Variants in DNMT1 observed in about 807,000 individuals in gnomAD.
The protein encoded by DNMT1 is DNA methyltransferase 1, also known as DNA (cytosine-5)-methyltransferase 1.
In DNMT1, 24 loss-of-function variants were observed where a neutral mutation model predicts 205.3. That is an observed-to-expected ratio of 0.12 (90% CI 0.08 to 0.16). The LOEUF (loss-of-function observed/expected upper bound fraction) is 0.16, where lower values mean the gene tolerates loss of function less well. Ranked by LOEUF, DNMT1 falls within the 10% of genes least tolerant of loss-of-function variation. DNMT1 has a pLI of 1.00. For missense variants in DNMT1, 1,293 were observed against 2,177.7 expected (o/e 0.59, Z 8.09); for synonymous variants, 817 against 839.8 (o/e 0.97, Z 0.47).
At position 10,137,580 on chromosome 19, in the gene DNMT1, C is replaced by A; in HGVS notation, c.4293+252G>T. The A allele has an allele frequency of 1.5e-6, 1 of 649,664 alleles. No individual in the cohort carries two copies. The highest frequency in any genetic ancestry group is 2.7e-6 in the Non-Finnish European group (1 of 377,106). The allele number at this position is 649,664 out of a possible 1,614,324, so 40.2% of individuals were successfully genotyped here. A position where few individuals can be genotyped will look rare whatever the true frequency, so the allele number is the denominator to read the frequency against. On this transcript the variant is annotated intron_variant, in intron 36 of 40. Coordinates refer to ENST00000359526, the MANE Select transcript of DNMT1 (RefSeq NM_001130823.3). The surrounding 1 kb of genome is among the most constrained non-coding windows in gnomAD (Gnocchi z 6.4). ...TCCTGGGAAAACATGCGGGGAGAGG[C>A]AGCAAGGGGGAAGGCAGTGGTGGGT...
At chr19:10,145,510 G>T (rs1568227457) in intron 28 of DNMT1, among the ~76,000 whole-genome samples, 1 of 152,170 alleles carries the variant, frequency 6.6e-6, no homozygotes, top group Non-Finnish European at 1.5e-5. Context: ...CTGATTCTTA[G>T]AAAAAACACA....
intron 2 of DNMT1, among the ~76,000 whole-genome samples, chr19:10,181,834 A>G (rs2039052415): frequency 6.6e-6 from 1 of 152,048 alleles, no homozygotes; most frequent in Admixed American, 6.6e-5. Flanking sequence ...GTCTCAAAAA[A>G]CAAAAACAAC....
Position 10,168,200 on chromosome 19 carries a change from C to T in DNMT1, c.803+130G>A, listed in dbSNP as rs1167156560. Reference sequence around the variant, plus strand: ...TCAGGGTGGTCTCACCTTTCACAAGCAGAACTTGCCCACATAAGAGACATA... The same window carrying T: ...TCAGGGTGGTCTCACCTTTCACAAGTAGAACTTGCCCACATAAGAGACATA... On this transcript the variant is annotated intron_variant, in intron 10 of 40. Coordinates refer to ENST00000359526, the MANE Select transcript of DNMT1 (RefSeq NM_001130823.3). 5.0e-6 allele frequency: 5 copies of T among 1,008,240 alleles called. No homozygotes were observed. The East Asian group carries it at 9.9e-5, about 20-fold the overall frequency. The allele number at this position is 1,008,240 out of a possible 1,614,324, so 62.5% of individuals were successfully genotyped here. A position where few individuals can be genotyped will look rare whatever the true frequency, so the allele number is the denominator to read the frequency against.
chr19:10,142,056 C>T lies in DNMT1; in HGVS notation c.3281G>A (p.Gly1094Asp). 6.2e-7 allele frequency: 1 copy of T among 1,612,052 alleles called. No individual in the cohort carries two copies. The highest frequency in any genetic ancestry group is 8.5e-7 in the Non-Finnish European group (1 of 1,178,450). ...GAGGAAGTAGAAGCGGTTGGGGCCG[C>T]CCATGGAGTACACCTGGACGCACTC... is the stretch of plus-strand genomic sequence containing the variant. ...LPECVQVYSM[G>D]GPNRFYFLEA... The change falls in exon 30 of 41, where the codon GGC becomes GAC. Residue 1094 changes from glycine to aspartate, a missense_variant. Physicochemically the swap from Gly to Asp is moderately conservative, Grantham distance 94. Transcript: ENST00000359526.
In DNMT1 at chr19:10,163,407, A is replaced by G. The variant is rs747175950; in HGVS notation, c.892-47T>C. 3 of 1,598,994 alleles carry G rather than the reference A, an allele frequency of 1.9e-6. No individual in the cohort carries two copies. In the South Asian group the frequency reaches 3.3e-5, roughly 18 times the overall value. ...GGTAGAGAGATAAAGAAGGGAAAAA[A>G]TTAGTTTCTGAGCCAGAGTGAGATA... is the stretch of plus-strand genomic sequence containing the variant. On this transcript the variant is annotated intron_variant, in intron 11 of 40. Coordinates refer to ENST00000359526, the MANE Select transcript of DNMT1 (RefSeq NM_001130823.3).
chr19:10,187,824 G>A lies in DNMT1; in HGVS notation c.81-5747C>T, dbSNP rs994818785. 1.9e-4 allele frequency among the ~76,000 whole-genome samples: 28 copies of A among 151,240 alleles called. No individual in the cohort carries two copies. The South Asian group carries it at 5.2e-3, about 28-fold the overall frequency. On this transcript the variant is annotated intron_variant, in intron 1 of 40. Transcript: ENST00000359526. ...TCAAGACCAGCCTGAGCAACACAGC[G>A]AGACCCTGTCTCTACAAAAAATAGT...
chr19:10,166,920 C>T (rs1234606788), intron 10 of DNMT1, among the ~76,000 whole-genome samples: 2 of 152,180 alleles, frequency 1.3e-5, no homozygotes, highest in African/African-American at 2.4e-5. Context: ...TGGTTTAATA[C>T]AAAAAGCAGA....
rs2038210923 is a variant in DNMT1 at position 10,146,667 on chromosome 19, T to C, written c.2721-143A>G. On this transcript the variant is annotated intron_variant, in intron 27 of 40. Transcript: ENST00000359526. The surrounding 1 kb of genome is among the most constrained non-coding windows in gnomAD (Gnocchi z 4.4). ...TGCTAGAAGGAAGAGGTGGCTTTCT[T>C]GTGCTTTGTGTTGACATTTTGAAGG... 1.9e-6 allele frequency: 2 copies of C among 1,077,848 alleles called. No homozygotes were observed. The highest frequency in any genetic ancestry group is 2.7e-6 in the Non-Finnish European group (2 of 753,242). 66.8% of individuals were successfully genotyped at this position (1,077,848 alleles called of 1,614,324 possible). A position where few individuals can be genotyped will look rare whatever the true frequency, so the allele number is the denominator to read the frequency against.
At chr19:10,179,496 A>G (rs1336354413) in intron 5 of DNMT1, among the ~76,000 whole-genome samples, 1 of 152,106 alleles carries the variant, frequency 6.6e-6, no homozygotes, top group Non-Finnish European at 1.5e-5. Flanking sequence ...GGCCACCCAA[A>G]GTGCAGGGAT....
intron 14 of DNMT1, 100 bp from the exon 15 acceptor site, chr19:10,160,163 G>A (rs527933740): frequency 1.9e-6 from 3 of 1,590,432 alleles, no homozygotes; most frequent in Admixed American, 1.7e-5. Context: ...CTGTGGCACA[G>A]GGAGGCACCG....
intron 40 of DNMT1, 88 bp downstream of exon 40, chr19:10,134,129 A>G (rs2089429841): frequency 1.4e-5 from 21 of 1,449,666 alleles, no homozygotes; most frequent in South Asian, 6.9e-5. Context: ...TGAGTCCCAG[A>G]GCCCAAAACG....
Position 10,182,088 on chromosome 19 carries a change from G to A in DNMT1, c.81-11C>T, listed in dbSNP as rs746306178. 1.5e-5 allele frequency: 24 copies of A among 1,612,614 alleles called. No homozygotes were observed. The highest frequency in any genetic ancestry group is 2.0e-5 in the Non-Finnish European group (24 of 1,178,882). On this transcript the variant is annotated splice_polypyrimidine_tract_variant and intron_variant, in intron 1 of 40. Transcript: ENST00000359526. ...TCCAAATCTTTGAGCCTGGGAGGAAGAAATAGGGGAGAAAATACAAACACT... is the reference window on the plus strand; with the variant it reads ...TCCAAATCTTTGAGCCTGGGAGGAAAAAATAGGGGAGAAAATACAAACACT...
Position 10,137,675 on chromosome 19 carries a change from G to T in DNMT1, c.4293+157C>A. ...GAGCTCTGACACTTCCCATGACCAT[G>T]CAAGAGAGACCAGGGGTCACACAAA... On this transcript the variant is annotated intron_variant, in intron 36 of 40. Coordinates refer to ENST00000359526, the MANE Select transcript of DNMT1 (RefSeq NM_001130823.3). The surrounding 1 kb of genome is among the most constrained non-coding windows in gnomAD (Gnocchi z 6.4). 1.9e-6 allele frequency: 2 copies of T among 1,072,942 alleles called. No homozygotes were observed. Among genetic ancestry groups the T allele is most frequent in the Non-Finnish European group, 2.7e-6 (2 of 729,160 alleles). The allele number at this position is 1,072,942 out of a possible 1,614,324, so 66.5% of individuals were successfully genotyped here. A position where few individuals can be genotyped will look rare whatever the true frequency, so the allele number is the denominator to read the frequency against.
intron 1 of DNMT1, among the ~76,000 whole-genome samples, chr19:10,192,151 T>G (rs2039315932): frequency 6.6e-6 from 1 of 151,990 alleles, no homozygotes; most frequent in Admixed American, 6.6e-5. Context: ...AGGATTAACT[T>G]GGGCATGGTG....
intron 40 of DNMT1, among the ~76,000 whole-genome samples, 173 bp downstream of exon 40, chr19:10,134,044 C>G (rs1225391122): frequency 2.0e-5 from 3 of 152,222 alleles, no homozygotes; most frequent in Non-Finnish European, 4.4e-5. Flanking sequence ...AAGCACTTGA[C>G]ACGTGCAACT....
chr19:10,146,153 G>T lies in DNMT1; in HGVS notation c.2894+198C>A, dbSNP rs528470503. Reference sequence around the variant, plus strand: ...GCCAAACCAGCGAGTTGACTTTTACGCTCAGCTTTGCTCTGCAATAGCATC... The same window carrying T: ...GCCAAACCAGCGAGTTGACTTTTACTCTCAGCTTTGCTCTGCAATAGCATC... On this transcript the variant is annotated intron_variant, in intron 28 of 40. Coordinates refer to ENST00000359526, the MANE Select transcript of DNMT1 (RefSeq NM_001130823.3). This position sits in a 1 kb window ranked among gnomAD's most constrained non-coding sequence, Gnocchi z 4.4. 8.9e-4 allele frequency among the ~76,000 whole-genome samples: 135 copies of T among 152,172 alleles called. No individual in the cohort carries two copies. The highest frequency in any genetic ancestry group is 1.7e-3 in the Non-Finnish European group (113 of 67,966).
In DNMT1 at chr19:10,149,501, G is replaced by T. The variant is rs2038289096; in HGVS notation, c.2538C>A (p.Ser846Arg). The T allele has an allele frequency of 2.5e-6, 4 of 1,614,076 alleles. No homozygotes were observed. Among genetic ancestry groups the T allele is most frequent in the Non-Finnish European group, 3.4e-6 (4 of 1,180,008 alleles). Residue 846 changes from serine to arginine, a missense_variant, in exon 26 of 41, where the codon AGC becomes AGA. Ser to Arg is a moderately radical substitution (Grantham distance 110). This residue lies in a region of DNMT1 where 197 missense variants were observed against 353.6 expected (regional missense o/e 0.56). Transcript: ENST00000359526. Reference protein sequence around the residue: ...CEDMQLSYIHSKVKVIYKAPS... With the variant: ...CEDMQLSYIHRKVKVIYKAPS... ...GGGCTTTGTAGATGACTTTCACTTT[G>T]CTGTGGATATATGAAAGCTGCATGT...
At chr19:10,170,901 T>C (rs964381326) in intron 9 of DNMT1, among the ~76,000 whole-genome samples, 2 of 152,064 alleles carry the variant, frequency 1.3e-5, no homozygotes, top group African/African-American at 4.8e-5. Flanking sequence ...TCAAGTGATC[T>C]TCCTGCCTCA....
chr19:10,160,261 C>A, intron 14 of DNMT1, 123 bp downstream of exon 14: 4 of 1,541,496 alleles, frequency 2.6e-6, no homozygotes, highest in South Asian at 2.3e-5. Flanking sequence ...CTATGTTCAC[C>A]AACCCGATCC....
Sources: allele counts gnomAD v4.1 joint callset (sites outside exome capture counted in the v4.1 genomes callset), GRCh38; gene constraint gnomAD v4.1.1; regional missense constraint gnomAD v4.1.1; non-coding constraint Gnocchi (gnomAD v3.1); transcripts MANE v1.5; gene names NCBI Gene and HGNC (gene_info 2026-07-23, HGNC 2026-07-21).